The following LVRN variants were observed in gnomAD, a reference collection of about 807,000 sequenced individuals.
LVRN encodes laeverin, also known as aminopeptidase Q.
A neutral mutation model predicts 111.4 loss-of-function variants in LVRN; 99 were observed. That is an observed-to-expected ratio of 0.89 (90% CI 0.76 to 1.05). The LOEUF (loss-of-function observed/expected upper bound fraction) is 1.05. Among genes scored for constraint, LVRN ranks in the 50% least tolerant of loss-of-function variants. The pLI, the probability that LVRN is intolerant of heterozygous loss-of-function variation, is 0.00. For synonymous variants in LVRN, 488 were observed against 449.5 expected, an observed-to-expected ratio of 1.09 and a Z score of -1.08; for missense variants, 1,414 against 1,206.8, an observed-to-expected ratio of 1.17 and a Z score of -2.54.
At chr5:115,968,542 G>A (rs1271457089) in intron 1 of LVRN, among the ~76,000 whole-genome samples, 1 of 150,578 alleles carries the variant, frequency 6.6e-6, no homozygotes, top group African/African-American at 2.5e-5. Flanking sequence ...AGGCCCAAGT[G>A]ATCCTCTTGT....
chr5:115,991,580 T>C (rs1747988351), intron 4 of LVRN, among the ~76,000 whole-genome samples: 1 of 152,198 alleles, frequency 6.6e-6, no homozygotes, highest in African/African-American at 2.4e-5. Context: ...AATTGTCAGA[T>C]CTTATGGTCA....
intron 15 of LVRN, among the ~76,000 whole-genome samples, chr5:116,013,399 A>T (rs547672424): frequency 6.6e-6 from 1 of 152,266 alleles, no homozygotes; most frequent in East Asian, 1.9e-4. Context: ...CACATTTGTT[A>T]ACCAGACATT....
chr5:115,976,223 A>C (rs1753446779), intron 1 of LVRN: 1 of 152,518 alleles, frequency 6.6e-6, no homozygotes, highest in Non-Finnish European at 1.5e-5. Context: ...TCTGGTGCTC[A>C]GGATACTGTT....
chr5:115,997,638 T>C (rs1300079511), intron 6 of LVRN, among the ~76,000 whole-genome samples: 1 of 151,752 alleles, frequency 6.6e-6, no homozygotes, highest in Non-Finnish European at 1.5e-5. Context: ...CACTCCAGCC[T>C]GGGCAACTGA....
chr5:116,024,948 G>A (rs1748831712), intron 19 of LVRN, among the ~76,000 whole-genome samples: 1 of 152,072 alleles, frequency 6.6e-6, no homozygotes, highest in East Asian at 1.9e-4. Context: ...CCTCTCCAAA[G>A]GCACAATTTT....
intron 17 of LVRN, 48 bp from the exon 18 acceptor site, chr5:116,015,580 T>C: frequency 1.3e-6 from 2 of 1,569,322 alleles, no homozygotes; most frequent in Non-Finnish European, 1.7e-6. Context: ...AAATTAACTC[T>C]TTATGTTGGA....
rs201158167 is a variant in LVRN, at chr5:116,003,365, T to C, written c.2022T>C (p.Leu674=). ...KLGWKKLNQQ[L]EKDPKAIPVI... ...GTTGGAAGAAACTAAATCAACAACT[T>C]GAAAAGGATCCTAAGGTAAGGTTAC... The change falls in exon 12 of 20, where the codon CTT becomes CTC. Residue 674 remains leucine, a synonymous_variant. Transcript: ENST00000357872. 6.1e-6 allele frequency: 9 copies of C among 1,464,520 alleles called. No individual in the cohort carries two copies. The East Asian group carries it at 2.2e-4, about 35-fold the overall frequency. The allele number at this position is 1,464,520 out of a possible 1,614,324, so 90.7% of individuals were successfully genotyped here.
At chr5:115,977,804 C>A (rs935916398) in intron 1 of LVRN, among the ~76,000 whole-genome samples, 1 of 152,154 alleles carries the variant, frequency 6.6e-6, no homozygotes, top group Non-Finnish European at 1.5e-5. Flanking sequence ...AAGGTCTCTT[C>A]ACTTTTGTAA....
At position 116,003,308 on chromosome 5, in the gene LVRN, T is replaced by A; in HGVS notation, c.1965T>A (p.Thr655=). The A allele has an allele frequency of 6.4e-7, 1 of 1,562,652 alleles. No individual in the cohort carries two copies. Among genetic ancestry groups the A allele is most frequent in the Non-Finnish European group, 8.7e-7 (1 of 1,145,240 alleles). ...HDWVILNLNM[T]GYYRVNYDKL... The stretch of plus-strand genomic sequence containing the variant: ...GGGTGATTTTGAATTTGAATATGAC[T>A]GGATATTATAGAGTTAATTATGATA... Residue 655 remains threonine, a synonymous_variant, in exon 12 of 20, where the codon ACT becomes ACA. Coordinates refer to ENST00000357872, the MANE Select transcript of LVRN (RefSeq NM_173800.5).
At chr5:115,998,690 C>T (rs1748171604) in intron 6 of LVRN, among the ~76,000 whole-genome samples, 1 of 152,170 alleles carries the variant, frequency 6.6e-6, no homozygotes, top group South Asian at 2.1e-4. Flanking sequence ...CTAGCAGCAT[C>T]AGCATCATTG....
intron 18 of LVRN, among the ~76,000 whole-genome samples, chr5:116,019,147 G>T (rs908330666): frequency 2.0e-5 from 3 of 152,316 alleles, no homozygotes; most frequent in Middle Eastern, 3.4e-3. Flanking sequence ...TTACAAACCT[G>T]TACAGCATGC....
chr5:116,012,481 T>C lies in LVRN; in HGVS notation c.2342+13T>C, dbSNP rs116046085. On this transcript the variant is annotated intron_variant, in intron 15 of 19. Coordinates refer to ENST00000357872, the MANE Select transcript of LVRN (RefSeq NM_173800.5). ...ACTACTTAGCTCTGTAAGTATGTTT[T>C]CAGAAGTGATAATTGAATAAAATGC... 2,053 of 1,445,362 alleles carry C rather than the reference T, an allele frequency of 1.4e-3. 23 individuals are homozygous for C. In the African/African-American group the frequency reaches 0.026, roughly 19 times the overall value. The allele number at this position is 1,445,362 out of a possible 1,614,324, so 89.5% of individuals were successfully genotyped here.
intron 5 of LVRN, 110 bp from the exon 6 acceptor site, chr5:115,993,631 A>G: frequency 1.4e-6 from 1 of 697,438 alleles, no homozygotes. Flanking sequence ...GATGGCAAAT[A>G]AATTTTAATT....
intron 1 of LVRN, among the ~76,000 whole-genome samples, chr5:115,967,751 A>G (rs1252818435): frequency 6.6e-6 from 1 of 152,220 alleles, no homozygotes; most frequent in East Asian, 1.9e-4. Context: ...CCATTTATTT[A>G]GATCTTTGAT....
intron 13 of LVRN, 89 bp downstream of exon 13, chr5:116,006,056 T>C: frequency 9.1e-7 from 1 of 1,094,934 alleles, no homozygotes; most frequent in Non-Finnish European, 1.4e-6. Context: ...TTTGATTATT[T>C]AGTCTATACA....
In LVRN at chr5:115,992,133, C is replaced by T; in HGVS notation, c.1116C>T (p.Ala372=). ...SYSLPKTDII[A]LPSFDNHAME... is the part of the protein sequence containing the mutation. ...TTTAAATCCACTTAGATATAATTGC[C>T]TTGCCTAGTTTTGACAACCATGCAA... The change falls in exon 5 of 20, where the codon GCC becomes GCT. Residue 372 remains alanine (A), a synonymous_variant. Coordinates refer to ENST00000357872, the MANE Select transcript of LVRN (RefSeq NM_173800.5). 1 of 1,610,854 alleles carries T rather than the reference C, an allele frequency of 6.2e-7. No individual in the cohort carries two copies. The highest frequency in any genetic ancestry group is 8.5e-7 in the Non-Finnish European group (1 of 1,178,720).
At chr5:115,994,321 G>A (rs573783840) in intron 6 of LVRN, among the ~76,000 whole-genome samples, 114 of 152,262 alleles carry the variant, frequency 7.5e-4, no homozygotes, top group Admixed American at 3.9e-3. Context: ...CACCCAAACT[G>A]GAGTGTGGTG....
intron 19 of LVRN, among the ~76,000 whole-genome samples, chr5:116,024,334 G>A (rs903065999): frequency 6.6e-6 from 1 of 151,884 alleles, no homozygotes; most frequent in African/African-American, 2.4e-5. Flanking sequence ...CTCTCCCTAG[G>A]CAAATAAACA....
At chr5:115,967,760 A>T (rs1207705976) in intron 1 of LVRN, among the ~76,000 whole-genome samples, 1 of 152,132 alleles carries the variant, frequency 6.6e-6, no homozygotes, top group Non-Finnish European at 1.5e-5. Flanking sequence ...TAGATCTTTG[A>T]TTTCATCAGA....
Sources: allele counts gnomAD v4.1 joint callset (sites outside exome capture counted in the v4.1 genomes callset), GRCh38; gene constraint gnomAD v4.1.1; transcripts MANE v1.5; gene names NCBI Gene and HGNC (gene_info 2026-07-23, HGNC 2026-07-21).